TBC1D32: variants seen among roughly 807,000 people sequenced by gnomAD.
TBC1D32 encodes TBC1 domain family member 32.
TBC1D32 carries 151 observed loss-of-function variants against 170.3 expected under a neutral mutation model. That is an observed-to-expected ratio of 0.89 (90% CI 0.78 to 1.01). TBC1D32 has a LOEUF of 1.01. TBC1D32 is among the 50% of genes least tolerant of loss of function. TBC1D32 has a pLI of 0.00. For missense variants in TBC1D32, 1,464 were observed against 1,457.1 expected, an observed-to-expected ratio of 1.00 and a Z score of -0.08; for synonymous variants, 498 against 488.0, an observed-to-expected ratio of 1.02 and a Z score of -0.27.
chr6:121,259,430 A>C (rs1799481086), intron 15 of TBC1D32, among the ~76,000 whole-genome samples: 2 of 152,232 alleles, frequency 1.3e-5, no homozygotes, highest in Non-Finnish European at 2.9e-5. Context: ...GACAATAAAA[A>C]GAAGTCTTGG....
chr6:121,274,591 A>G (rs1801975588), intron 15 of TBC1D32, among the ~76,000 whole-genome samples: 1 of 152,268 alleles, frequency 6.6e-6, no homozygotes, highest in Middle Eastern at 3.4e-3. Flanking sequence ...CAATACATGT[A>G]CAATTATTAT....
chr6:121,265,708 G>A (rs1467396910), intron 15 of TBC1D32, among the ~76,000 whole-genome samples: 1 of 152,070 alleles, frequency 6.6e-6, no homozygotes, highest in Non-Finnish European at 1.5e-5. Flanking sequence ...AAACTGCATA[G>A]TACTGGTACA....
chr6:121,204,499 G>C (rs1261805621), intron 22 of TBC1D32, among the ~76,000 whole-genome samples: 1 of 151,138 alleles, frequency 6.6e-6, no homozygotes, highest in Non-Finnish European at 1.5e-5. Flanking sequence ...TAATTTACAG[G>C]AAGGGAAGCA....
At chr6:121,146,865 T>C (rs552794614) in intron 24 of TBC1D32, among the ~76,000 whole-genome samples, 2 of 152,302 alleles carry the variant, frequency 1.3e-5, no homozygotes, top group Non-Finnish European at 2.9e-5. Context: ...AGGGTTGCTA[T>C]ATGGGTATAT....
At chr6:121,192,778 G>C (rs910273750) in intron 22 of TBC1D32, among the ~76,000 whole-genome samples, 5 of 151,656 alleles carry the variant, frequency 3.3e-5, no homozygotes, top group African/African-American at 9.7e-5. Flanking sequence ...AAAAGAAACA[G>C]CTTCCCCATC....
intron 20 of TBC1D32, 24 bp from the exon 21 acceptor site, chr6:121,223,376 T>G: frequency 6.7e-7 from 1 of 1,481,754 alleles, no homozygotes; most frequent in Non-Finnish European, 9.3e-7. Context: ...AAACAGTCAT[T>G]TAAATGATTC....
At chr6:121,197,519 A>G (rs987343369) in intron 22 of TBC1D32, among the ~76,000 whole-genome samples, 1 of 152,198 alleles carries the variant, frequency 6.6e-6, no homozygotes, top group African/African-American at 2.4e-5. Context: ...CACTTGTACT[A>G]AGACATTATC....
At chr6:121,141,380 G>A (rs1782765249) in intron 24 of TBC1D32, among the ~76,000 whole-genome samples, 1 of 152,152 alleles carries the variant, frequency 6.6e-6, no homozygotes, top group South Asian at 2.1e-4. Context: ...GTCTTTTAAG[G>A]AGTGAAGTTT....
chr6:121,119,344 C>A (rs1224039652), intron 26 of TBC1D32, among the ~76,000 whole-genome samples: 3 of 152,086 alleles, frequency 2.0e-5, no homozygotes, highest in African/African-American at 4.8e-5. Flanking sequence ...GCAATTATCA[C>A]ACACTGTGCT....
At position 121,110,696 on chromosome 6, in the gene TBC1D32, A is replaced by T. The variant is rs187778083; in HGVS notation, c.3324+1809T>A. Among the ~76,000 whole-genome samples, 9 of 152,312 alleles carry T rather than the reference A, an allele frequency of 5.9e-5. No homozygotes were observed. In the East Asian group the frequency reaches 1.7e-3, roughly 29 times the overall value. On this transcript the variant is annotated intron_variant, in intron 29 of 31. Coordinates refer to ENST00000398212, the MANE Select transcript of TBC1D32 (RefSeq NM_152730.6). Reference sequence around the variant, plus strand: ...ATGAAATAGAAAAGGTATCACTTTTAAATAATATATTAAGACTTACTGAAT... The same window carrying T: ...ATGAAATAGAAAAGGTATCACTTTTTAATAATATATTAAGACTTACTGAAT...
At chr6:121,212,425 CA>C (rs377035617) in intron 21 of TBC1D32, among the ~76,000 whole-genome samples, 83 of 140,248 alleles carry the variant, frequency 5.9e-4, no homozygotes, top group Non-Finnish European at 9.9e-4. Flanking sequence ...AGAGACACAA[CA>C]AAAAAAACTT....
chr6:121,222,152 A>AT (rs1395074572), intron 21 of TBC1D32, among the ~76,000 whole-genome samples: 1 of 148,890 alleles, frequency 6.7e-6, no homozygotes, highest in Non-Finnish European at 1.5e-5. Flanking sequence ...GTTCATTAGC[A>AT]TTTTTTTGGC....
In TBC1D32 at chr6:121,189,038, C is replaced by T. The variant is rs772062122; in HGVS notation, c.2570+16037G>A. Among the ~76,000 whole-genome samples the T allele has an allele frequency of 2.0e-5, 3 of 151,726 alleles. No individual in the cohort carries two copies. The East Asian group carries it at 5.8e-4, about 29-fold the overall frequency. ...AATTTTATCTCTAATGTAACAAAAC[C>T]GAATTAATATGATTTAATTGTTGTC... On this transcript the variant is annotated intron_variant, in intron 22 of 31. Transcript: ENST00000398212.
In TBC1D32 at chr6:121,091,024, TA is replaced by T; in HGVS notation, c.3482del (p.Ile1161LysfsTer9). The T allele has an allele frequency of 6.3e-7, 1 of 1,594,268 alleles. No homozygotes were observed. The highest frequency in any genetic ancestry group is 8.5e-7 in the Non-Finnish European group (1 of 1,175,664). ...FAPSQICLQWITQCFWNYLDW... is the reference protein window; with the variant it reads ...FAPSQICLQWXTQCFWNYLDW... Reference sequence around the variant, plus strand: ...CTAAGTAATTCCAAAAACACTGGGTTATCCATTGCAGGCAAATCTTTAAAAA... The same window carrying T: ...CTAAGTAATTCCAAAAACACTGGGTTTCCATTGCAGGCAAATCTTTAAAAA... On this transcript the variant is annotated frameshift_variant, in exon 31 of 32. Coordinates refer to ENST00000398212, the MANE Select transcript of TBC1D32 (RefSeq NM_152730.6). LOFTEE classifies it high-confidence loss of function.
chr6:121,149,663 T>C (rs1783952943), intron 24 of TBC1D32, among the ~76,000 whole-genome samples: 1 of 152,160 alleles, frequency 6.6e-6, no homozygotes, highest in Non-Finnish European at 1.5e-5. Context: ...ACTGTAGCCT[T>C]GTAGTATAGT....
intron 14 of TBC1D32, among the ~76,000 whole-genome samples, chr6:121,279,892 T>C (rs1013251914): frequency 3.9e-5 from 6 of 152,022 alleles, no homozygotes; most frequent in African/African-American, 1.4e-4. Context: ...GTATCTACAG[T>C]ATTATAATTC....
rs1448641382 is a variant in TBC1D32, at chr6:121,205,144, A to G, written c.2501T>C (p.Ile834Thr). The G allele has an allele frequency of 2.0e-6, 3 of 1,502,384 alleles. No homozygotes were observed. Among genetic ancestry groups the G allele is most frequent in the East Asian group, 4.7e-5 (2 of 42,376 alleles). The allele number at this position is 1,502,384 out of a possible 1,614,324, so 93.1% of individuals were successfully genotyped here. The part of the protein sequence containing the change: ...TCVIDIIDRL[I>T]ILNSEAKIRS... ...AATCTTAGCTTCAGAATTCAAAATT[A>G]TAAGTCTATCAATAATATCCTGAAA... Residue 834 changes from isoleucine to threonine, a missense_variant, in exon 22 of 32, where the codon ATA becomes ACA. Ile to Thr is a moderately conservative substitution (Grantham distance 89, BLOSUM62 -1). Coordinates refer to ENST00000398212, the MANE Select transcript of TBC1D32 (RefSeq NM_152730.6).
At chr6:121,313,788 T>C (rs759057478) in intron 3 of TBC1D32, among the ~76,000 whole-genome samples, 1 of 152,022 alleles carries the variant, frequency 6.6e-6, no homozygotes, top group African/African-American at 2.4e-5. Flanking sequence ...CTCTGAGTGA[T>C]GTTGCCAAAA....
At chr6:121,186,088 C>T (rs922715536) in intron 22 of TBC1D32, among the ~76,000 whole-genome samples, 4 of 152,018 alleles carry the variant, frequency 2.6e-5, no homozygotes, top group Admixed American at 6.6e-5. Context: ...TGAAGCGTAG[C>T]GAGAAAGTTG....
Sources: allele counts gnomAD v4.1 joint callset (sites outside exome capture counted in the v4.1 genomes callset), GRCh38; gene constraint gnomAD v4.1.1; transcripts MANE v1.5; gene names NCBI Gene and HGNC (gene_info 2026-07-23, HGNC 2026-07-21).